Variants in NKAIN2 observed in about 807,000 individuals in gnomAD.
The protein encoded by NKAIN2 is sodium/potassium transporting ATPase interacting 2.
In NKAIN2, 14 loss-of-function variants were observed where a neutral mutation model predicts 32.6. The observed-to-expected ratio is 0.43, with a 90% CI of 0.28 to 0.67. The LOEUF is 0.67. Ranked by LOEUF, NKAIN2 falls within the 30% of genes least tolerant of loss-of-function variation. The pLI, the probability that NKAIN2 is intolerant of heterozygous loss-of-function variation, is 0.17. For synonymous variants in NKAIN2, 80 were observed against 87.2 expected, an observed-to-expected ratio of 0.92 and a Z score of 0.46; for missense variants, 198 against 258.3, an observed-to-expected ratio of 0.77 and a Z score of 1.60.
intron 3 of NKAIN2, among the ~76,000 whole-genome samples, chr6:124,388,357 C>T (rs923415669): frequency 2.0e-5 from 3 of 146,360 alleles, no homozygotes; most frequent in East Asian, 1.9e-4. Flanking sequence ...AACACACTCA[C>T]CTGGACAGCT....
intron 1 of NKAIN2, among the ~76,000 whole-genome samples, chr6:124,282,767 T>C (rs1795360831): frequency 6.6e-6 from 1 of 152,204 alleles, no homozygotes; most frequent in South Asian, 2.1e-4. Flanking sequence ...GAATACTGCT[T>C]GATTCCTCCA....
chr6:123,941,051 C>T (rs958614090), intron 1 of NKAIN2, among the ~76,000 whole-genome samples: 1 of 151,292 alleles, frequency 6.6e-6, no homozygotes, highest in African/African-American at 2.4e-5. Context: ...TTATTTTTTA[C>T]TTTTTAAACT....
chr6:124,804,059 A>G (rs950221164), intron 5 of NKAIN2, among the ~76,000 whole-genome samples: 1 of 152,202 alleles, frequency 6.6e-6, no homozygotes. Flanking sequence ...TATAGGTCCA[A>G]TGATGGTAAG....
At chr6:124,498,803 T>G (rs1778169535) in intron 3 of NKAIN2, among the ~76,000 whole-genome samples, 4 of 152,242 alleles carry the variant, frequency 2.6e-5, no homozygotes, top group Non-Finnish European at 4.4e-5. Context: ...ATATATTTGG[T>G]AATTAATAAA....
intron 3 of NKAIN2, among the ~76,000 whole-genome samples, chr6:124,467,848 C>T (rs1273964117): frequency 6.6e-6 from 1 of 152,040 alleles, no homozygotes; most frequent in Non-Finnish European, 1.5e-5. Flanking sequence ...GATCAAAGCT[C>T]AGGCTGAGCC....
At chr6:124,576,125 AC>A (rs1196772157) in intron 3 of NKAIN2, among the ~76,000 whole-genome samples, 9 of 152,298 alleles carry the variant, frequency 5.9e-5, no homozygotes, top group Non-Finnish European at 1.0e-4. Context: ...TTAAATTTCA[AC>A]CCCTAATGAT....
chr6:124,033,420 AGG>A (rs1377099270), intron 1 of NKAIN2, among the ~76,000 whole-genome samples: 4 of 152,120 alleles, frequency 2.6e-5, no homozygotes, highest in Non-Finnish European at 5.9e-5. Context: ...GTATACAAGT[AGG>A]GGGAAGAAAG....
chr6:124,760,400 AC>A (rs1778206388), intron 4 of NKAIN2, among the ~76,000 whole-genome samples: 2 of 119,186 alleles, frequency 1.7e-5, no homozygotes, highest in African/African-American at 3.2e-5. Context: ...CTGCACACGT[AC>A]CCCTGAACAT....
At chr6:124,196,490 A>T (rs2114608850) in intron 1 of NKAIN2, among the ~76,000 whole-genome samples, 1 of 152,218 alleles carries the variant, frequency 6.6e-6, no homozygotes. Flanking sequence ...ATTTGGTTTT[A>T]ATTGTGAGCC....
chr6:124,175,403 GA>G (rs1227847977), intron 1 of NKAIN2, among the ~76,000 whole-genome samples: 1 of 152,184 alleles, frequency 6.6e-6, no homozygotes, highest in Non-Finnish European at 1.5e-5. Flanking sequence ...TTTCAGAAAA[GA>G]TTTGCCTGCT....
chr6:123,930,149 T>G (rs1776187099), intron 1 of NKAIN2, among the ~76,000 whole-genome samples: 1 of 152,140 alleles, frequency 6.6e-6, no homozygotes, highest in Non-Finnish European at 1.5e-5. Context: ...AGTCAGCACT[T>G]AAATCATTCC....
chr6:124,405,580 A>G (rs1232402318), intron 3 of NKAIN2, among the ~76,000 whole-genome samples: 2 of 144,908 alleles, frequency 1.4e-5, no homozygotes, highest in African/African-American at 2.6e-5. Context: ...GGGTCTCACT[A>G]TATTGCCCAG....
chr6:124,683,594 A>G (rs1175947565), intron 4 of NKAIN2, among the ~76,000 whole-genome samples: 1 of 152,158 alleles, frequency 6.6e-6, no homozygotes. Flanking sequence ...AGCACATTAC[A>G]TGCTTTCATC....
At chr6:124,665,221 A>C (rs1438095743) in intron 4 of NKAIN2, among the ~76,000 whole-genome samples, 1 of 152,220 alleles carries the variant, frequency 6.6e-6, no homozygotes, top group Non-Finnish European at 1.5e-5. Context: ...CTTGTGAAAG[A>C]ACAAAGCTAG....
At chr6:124,284,426 A>T (rs1053267887) in intron 2 of NKAIN2, among the ~76,000 whole-genome samples, 2 of 152,170 alleles carry the variant, frequency 1.3e-5, no homozygotes, top group Non-Finnish European at 2.9e-5. Context: ...CTTTAAAATG[A>T]AAGTAGTCAT....
At chr6:123,853,274 C>A (rs1012717908) in intron 1 of NKAIN2, among the ~76,000 whole-genome samples, 2 of 152,126 alleles carry the variant, frequency 1.3e-5, no homozygotes, top group Non-Finnish European at 2.9e-5. Context: ...TAAGCTTACT[C>A]AGTGTAAGTG....
intron 4 of NKAIN2, among the ~76,000 whole-genome samples, chr6:124,712,344 G>T (rs9401763): frequency 1.0e-5 from 1 of 96,504 alleles, no homozygotes; most frequent in African/African-American, 4.4e-5. Context: ...GGTGGGCTCC[G>T]CCCAGTTGGA....
chr6:124,014,224 AACTT>A (rs2114742838), intron 1 of NKAIN2, among the ~76,000 whole-genome samples: 1 of 152,308 alleles, frequency 6.6e-6, no homozygotes, highest in African/African-American at 2.4e-5. Flanking sequence ...AAAAGATAAA[AACTT>A]AAACAATAGA....
chr6:123,940,386 A>G (rs867818217), intron 1 of NKAIN2, among the ~76,000 whole-genome samples: 3 of 147,452 alleles, frequency 2.0e-5, no homozygotes, highest in Middle Eastern at 3.2e-3. Flanking sequence ...ATATAGATAC[A>G]CACACACACA....
Sources: gnomAD v4.1 joint callset for allele counts (sites outside exome capture counted in the v4.1 genomes callset) on GRCh38, gnomAD v4.1.1 for gene constraint, MANE v1.5 for transcripts, NCBI Gene and HGNC (gene_info 2026-07-23, HGNC 2026-07-21) for gene names.